Variants in DDX31 observed in about 807,000 individuals in gnomAD.
DDX31 encodes ATP-dependent DNA helicase DDX31.
DDX31 carries 70 observed loss-of-function variants against 91.3 expected under a neutral mutation model. That is an observed-to-expected ratio of 0.77 (90% CI 0.63 to 0.94). The LOEUF (loss-of-function observed/expected upper bound fraction) is 0.94, where lower values mean the gene tolerates loss of function less well. DDX31 is among the 40% of genes least tolerant of loss of function. The probability of loss-of-function intolerance (pLI) is 0.00; values close to 1 mark genes in which losing one functional copy is unlikely to be tolerated. For missense variants in DDX31, 902 were observed against 925.0 expected (o/e 0.98, Z 0.32); for synonymous variants, 362 against 350.6 (o/e 1.03, Z -0.36).
intron 7 of DDX31, 29 bp from the exon 8 acceptor site, chr9:132,651,145 T>C (rs1834160126): frequency 4.5e-6 from 7 of 1,569,560 alleles, no homozygotes; most frequent in Non-Finnish European, 4.3e-6. Context: ...TTATAGATGA[T>C]GAACAGGATC....
chr9:132,647,550 AG>A (rs1833915336), intron 11 of DDX31, among the ~76,000 whole-genome samples: 2 of 152,122 alleles, frequency 1.3e-5, no homozygotes, highest in Non-Finnish European at 2.9e-5. Context: ...GGGAACTGTG[AG>A]GGACCACATG....
At chr9:132,666,969 T>A (rs1417923846) in intron 1 of DDX31, among the ~76,000 whole-genome samples, 1 of 152,030 alleles carries the variant, frequency 6.6e-6, no homozygotes, top group Non-Finnish European at 1.5e-5. Flanking sequence ...GGCCTCGGCC[T>A]CCCAAAGTGC....
chr9:132,605,295 G>A (rs1254444848), intron 19 of DDX31, among the ~76,000 whole-genome samples: 1 of 152,152 alleles, frequency 6.6e-6, no homozygotes, highest in East Asian at 1.9e-4. Flanking sequence ...GGGCATTCGG[G>A]TTGAGCATCT....
chr9:132,597,686 C>G (rs1229460374), intron 19 of DDX31, among the ~76,000 whole-genome samples: 2 of 152,184 alleles, frequency 1.3e-5, no homozygotes, highest in Admixed American at 1.3e-4. Context: ...AGGCAGTGCG[C>G]CCGTGCTCCC....
chr9:132,666,136 C>T (rs1835292181), intron 1 of DDX31, among the ~76,000 whole-genome samples: 1 of 152,172 alleles, frequency 6.6e-6, no homozygotes, highest in South Asian at 2.1e-4. Context: ...CACAACCACA[C>T]AACCAATTGT....
At chr9:132,611,322 C>T (rs926797935) in intron 19 of DDX31, among the ~76,000 whole-genome samples, 2 of 152,216 alleles carry the variant, frequency 1.3e-5, no homozygotes, top group East Asian at 3.8e-4. Flanking sequence ...ATGAGACCAT[C>T]CGCCCCAAAG....
Position 132,621,478 on chromosome 9 carries a change from C to T in DDX31, c.1714-3037G>A, listed in dbSNP as rs149429185. On this transcript the variant is annotated intron_variant, in intron 17 of 19. Coordinates refer to ENST00000372159, the MANE Select transcript of DDX31 (RefSeq NM_022779.9). ...ACCTAAATATGAAATATACATTTTACAGATGCTTCACTCGCTTTCTTTCTG... is the reference window on the plus strand; with the variant it reads ...ACCTAAATATGAAATATACATTTTATAGATGCTTCACTCGCTTTCTTTCTG... Among the ~76,000 whole-genome samples, 318 of 152,284 alleles carry T rather than the reference C, an allele frequency of 2.1e-3. 4 individuals carry two copies. Among genetic ancestry groups the T allele is most frequent in the Admixed American group, 0.013 (199 of 15,298 alleles).
rs1479131921 is a variant in DDX31, at chr9:132,658,620, T to C, written c.588+51A>G. ...ATATTTCTGTTATGCTTCAGTTTGA[T>C]GGTTGCTTATGCACTATGAGCAATG... is the stretch of plus-strand genomic sequence containing the variant. On this transcript the variant is annotated intron_variant, in intron 6 of 19. Transcript: ENST00000372159. The C allele has an allele frequency of 6.0e-6, 9 of 1,502,624 alleles. No individual in the cohort carries two copies. In the East Asian group the frequency reaches 2.0e-4, roughly 34 times the overall value. 93.1% of individuals were successfully genotyped at this position (1,502,624 alleles called of 1,614,324 possible).
intron 14 of DDX31, among the ~76,000 whole-genome samples, chr9:132,639,035 C>T (rs952481119): frequency 6.6e-6 from 1 of 152,138 alleles, no homozygotes; most frequent in African/African-American, 2.4e-5. Context: ...CCTGAAGTGG[C>T]CCTCGTTCCT....
At chr9:132,663,250 C>T in intron 1 of DDX31, 1 of 1,289,210 alleles carries the variant, frequency 7.8e-7, no homozygotes, top group Non-Finnish European at 1.0e-6. Flanking sequence ...GGATCTCTCT[C>T]ATTCTCTCCT....
rs148572401 is a variant in DDX31, at chr9:132,642,018, C to G, written c.1426G>C (p.Val476Leu). The part of the protein sequence containing the change: ...FQEFSHSRRG[V>L]LLCTDVAARG... Reference sequence around the variant, plus strand: ...AGGATACGTACCGTGCAAAGAAGGACGCCTCTTCTGGAATGTGAAAATTCC... The same window carrying G: ...AGGATACGTACCGTGCAAAGAAGGAGGCCTCTTCTGGAATGTGAAAATTCC... Residue 476 changes from valine (V) to leucine (L), a missense_variant, in exon 14 of 20, where the codon GTC becomes CTC. By Grantham distance (32) the Val-to-Leu change is conservative. Coordinates refer to ENST00000372159, the MANE Select transcript of DDX31 (RefSeq NM_022779.9). 3 of 1,614,110 alleles carry G rather than the reference C, an allele frequency of 1.9e-6. No homozygotes were observed. The Admixed American group carries it at 5.0e-5, about 27-fold the overall frequency.
In DDX31 at chr9:132,646,964, C is replaced by G. The variant is rs761115774; in HGVS notation, c.1062G>C (p.Ala354=). ...CTGGTGGAGGACAGACCTCCTGGACCGCTTTGTCCTTTGGGTTCAACTGGT... is the reference window on the plus strand; with the variant it reads ...CTGGTGGAGGACAGACCTCCTGGACGGCTTTGTCCTTTGGGTTCAACTGGT... ...SHDQLNPKDK[A]VQEVCPPPAG... Residue 354 remains alanine, a synonymous_variant, in exon 12 of 20, where the codon GCG becomes GCC. Transcript: ENST00000372159. The G allele has an allele frequency of 2.5e-6, 4 of 1,614,054 alleles. No homozygotes were observed. The Admixed American group carries it at 6.7e-5, about 27-fold the overall frequency.
intron 7 of DDX31, 93 bp from the exon 8 acceptor site, chr9:132,651,209 C>A: frequency 1.8e-6 from 2 of 1,082,164 alleles, no homozygotes; most frequent in South Asian, 1.5e-5. Context: ...CAAACTTGGA[C>A]CTCAAGTTAA....
At chr9:132,630,074 C>T (rs185498730) in intron 16 of DDX31, among the ~76,000 whole-genome samples, 190 bp downstream of exon 16, 2 of 152,272 alleles carry the variant, frequency 1.3e-5, no homozygotes, top group African/African-American at 2.4e-5. Context: ...AGTCTGGCAA[C>T]GCAATGAAAA....
chr9:132,647,814 G>A (rs1833929522), intron 11 of DDX31, among the ~76,000 whole-genome samples: 1 of 152,198 alleles, frequency 6.6e-6, no homozygotes, highest in African/African-American at 2.4e-5. Flanking sequence ...ATAGGAGGAA[G>A]AGTGATTACA....
intron 19 of DDX31, among the ~76,000 whole-genome samples, chr9:132,609,691 G>T (rs763992278): frequency 6.6e-6 from 1 of 151,804 alleles, no homozygotes; most frequent in African/African-American, 2.4e-5. Flanking sequence ...GCGCGATCTC[G>T]GCTCACCGCA....
intron 17 of DDX31, among the ~76,000 whole-genome samples, chr9:132,624,382 T>C (rs1832262070): frequency 6.6e-6 from 1 of 152,178 alleles, no homozygotes; most frequent in South Asian, 2.1e-4. Flanking sequence ...TGATGACCAA[T>C]GGAGTCTTTA....
chr9:132,664,212 AC>A (rs1835162661), intron 1 of DDX31, among the ~76,000 whole-genome samples: 1 of 152,254 alleles, frequency 6.6e-6, no homozygotes, highest in African/African-American at 2.4e-5. Flanking sequence ...GAACAAGCTT[AC>A]TTCCTCTTAA....
Position 132,648,314 on chromosome 9 carries a change from AAAG to A in DDX31, c.861-22_861-20del. The A allele has an allele frequency of 6.2e-7, 1 of 1,604,392 alleles. No individual in the cohort carries two copies. The highest frequency in any genetic ancestry group is 8.5e-7 in the Non-Finnish European group (1 of 1,177,322). ...CAAGATTCTGTGATTGTAAAAAAAA[AAAG>A]AAATTTTCAACTATATGAAGAGCAG... On this transcript the variant is annotated intron_variant, in intron 10 of 19. Coordinates refer to ENST00000372159, the MANE Select transcript of DDX31 (RefSeq NM_022779.9).
Sources: gnomAD v4.1 joint callset for allele counts (sites outside exome capture counted in the v4.1 genomes callset) on GRCh38, gnomAD v4.1.1 for gene constraint, MANE v1.5 for transcripts, NCBI Gene and HGNC (gene_info 2026-07-23, HGNC 2026-07-21) for gene names.